Variants in ELN observed in about 807,000 individuals in gnomAD.
ELN encodes the protein tropoelastin.
A neutral mutation model predicts 105.8 loss-of-function variants in ELN; 65 were observed. The observed-to-expected ratio is 0.61, with a 90% CI of 0.50 to 0.75. The LOEUF is 0.75. ELN is among the 30% of genes least tolerant of loss of function. The pLI is 0.00. For synonymous variants in ELN, 368 were observed against 389.2 expected (o/e 0.95, Z 0.64); for missense variants, 882 against 969.4 (o/e 0.91, Z 1.20).
intron 8 of ELN, 58 bp downstream of exon 8, chr7:74,043,226 G>T: frequency 6.4e-7 from 1 of 1,552,418 alleles, no homozygotes; most frequent in Non-Finnish European, 8.7e-7. Context: ...AGAGGGCAGG[G>T]AGGAACAGAG....
At position 74,063,266 on chromosome 7, in the gene ELN, T is replaced by G; in HGVS notation, c.1858+42T>G. The G allele has an allele frequency of 2.5e-6, 4 of 1,586,628 alleles. No individual in the cohort carries two copies. In the South Asian group the frequency reaches 4.6e-5, roughly 18 times the overall value. ...GGAGGGGCAGGGTGGGGAGGGAATC[T>G]AACCAGTACAGAGTGCCTCCCTGAA... On this transcript the variant is annotated intron_variant, in intron 27 of 32. Coordinates refer to ENST00000252034, the MANE Select transcript of ELN (RefSeq NM_000501.4). This position sits in a 1 kb window ranked among gnomAD's most constrained non-coding sequence, Gnocchi z 4.1.
Position 74,043,892 on chromosome 7 carries a change from A to C in ELN, c.441A>C (p.Pro147=), listed in dbSNP as rs1348472964. Residue 147 remains proline (P), a synonymous_variant, in exon 9 of 33, where the codon CCA becomes CCC. Coordinates refer to ENST00000252034, the MANE Select transcript of ELN (RefSeq NM_000501.4). ...KPGKVPGVGL[P]GVYPGGVLPG... is the part of the protein sequence containing the mutation. ...TTTTGGCCACAGGTGTGGGGCTGCC[A>C]GGTGTATACCCAGGTGGCGTGCTCC... The C allele has an allele frequency of 3.7e-6, 6 of 1,613,970 alleles. No individual in the cohort carries two copies. Among genetic ancestry groups the C allele is most frequent in the Non-Finnish European group, 5.1e-6 (6 of 1,180,006 alleles).
In ELN at chr7:74,028,653, G is replaced by A. The variant is rs117971055; in HGVS notation, c.82+384G>A. Among the ~76,000 whole-genome samples the A allele has an allele frequency of 2.3e-3, 346 of 152,276 alleles. 2 individuals carry two copies. The Middle Eastern group carries it at 0.038, about 17-fold the overall frequency. On this transcript the variant is annotated intron_variant, in intron 1 of 32. Transcript: ENST00000252034. ...GTCTGCACACCTGTGGACACAGCTG[G>A]GGTGCACACCAGCCCTGGGGACAGG...
Position 74,046,723 on chromosome 7 carries a change from C to A in ELN, c.599C>A (p.Pro200His). The A allele has an allele frequency of 1.2e-6, 2 of 1,614,214 alleles. No individual in the cohort carries two copies. Among genetic ancestry groups the A allele is most frequent in the Non-Finnish European group, 1.7e-6 (2 of 1,180,032 alleles). Residue 200 changes from proline (P) to histidine (H), a missense_variant, in exon 12 of 33, where the codon CCT (proline) becomes CAT (histidine). By Grantham distance (77) the Pro-to-His change is moderately conservative. Coordinates refer to ENST00000252034, the MANE Select transcript of ELN (RefSeq NM_000501.4). ...PGVGPFGGPQ[P>H]GVPLGYPIKA... ...GTTGGACCCTTTGGGGGACCGCAAC[C>A]TGGAGTCCCACTGGGGTATCCCATC...
At chr7:74,061,520 C>T (rs929631923) in intron 26 of ELN, among the ~76,000 whole-genome samples, 5 of 151,994 alleles carry the variant, frequency 3.3e-5, no homozygotes, top group East Asian at 1.9e-4. Context: ...GGTGTGGTGG[C>T]GGGCACCTGT....
At chr7:74,050,167 A>T (rs1554675174) in intron 15 of ELN, among the ~76,000 whole-genome samples, 1 of 150,196 alleles carries the variant, frequency 6.7e-6, no homozygotes, top group African/African-American at 2.5e-5. Flanking sequence ...CCATCCATCC[A>T]TCCATCCACT....
chr7:74,049,018 T>A (rs1554674329), intron 15 of ELN, among the ~76,000 whole-genome samples: 2 of 151,188 alleles, frequency 1.3e-5, no homozygotes, highest in East Asian at 3.9e-4. Flanking sequence ...CACTCATCCA[T>A]CCACTCATTC....
At chr7:74,052,541 T>C (rs1401907836) in intron 17 of ELN, 28 of 178,864 alleles carry the variant, frequency 1.6e-4, no homozygotes, top group Admixed American at 1.2e-3. Context: ...GCTATGATCA[T>C]GCCACTGCAC....
In ELN at chr7:74,028,260, C is replaced by T. The variant is rs782196221; in HGVS notation, c.73C>T (p.Arg25Trp). 11 of 1,608,624 alleles carry T rather than the reference C, an allele frequency of 6.8e-6. No individual in the cohort carries two copies. The highest frequency in any genetic ancestry group is 6.7e-5 in the East Asian group (3 of 44,816). Residue 25 changes from arginine (R) to tryptophan (W), a missense_variant, in exon 1 of 33, where the codon CGG becomes TGG. Arg to Trp is a moderately radical substitution (Grantham distance 101). Transcript: ENST00000252034. The stretch of plus-strand genomic sequence containing the variant: ...CCTGCTGTCCATCCTCCACCCCTCT[C>T]GGCCTGGAGGTAAGGACCCCTCGCC... ...LLLLSILHPS[R>W]PGGVPGAIPG... is the part of the protein sequence containing the mutation.
chr7:74,035,528 T>C, intron 2 of ELN, 114 bp downstream of exon 2: 1 of 1,261,884 alleles, frequency 7.9e-7, no homozygotes, highest in South Asian at 1.2e-5. Context: ...CTACCAGAAG[T>C]CACACCCACT....
chr7:74,045,582 A>G (rs1325805573), intron 10 of ELN, among the ~76,000 whole-genome samples: 2 of 152,050 alleles, frequency 1.3e-5, no homozygotes, highest in African/African-American at 4.8e-5. Flanking sequence ...CTACAAAAAC[A>G]TGATTAAAAA....
At chr7:74,029,687 G>A (rs1422188182) in intron 1 of ELN, among the ~76,000 whole-genome samples, 2 of 152,188 alleles carry the variant, frequency 1.3e-5, no homozygotes, top group African/African-American at 2.4e-5. Flanking sequence ...CAGGGGCAAC[G>A]AGCCAGGGCC....
At chr7:74,031,225 G>T (rs1788582888) in intron 1 of ELN, among the ~76,000 whole-genome samples, 1 of 152,140 alleles carries the variant, frequency 6.6e-6, no homozygotes, top group African/African-American at 2.4e-5. Context: ...TCAGCTCACT[G>T]GTTCTCCATT....
intron 1 of ELN, among the ~76,000 whole-genome samples, chr7:74,029,893 G>A (rs1788285803): frequency 3.3e-5 from 5 of 152,182 alleles, no homozygotes; most frequent in South Asian, 2.1e-4. Flanking sequence ...GGCAGTCCCC[G>A]GGGGTTAGTA....
Position 74,053,145 on chromosome 7 carries a change from A to G in ELN, c.950-18A>G. On this transcript the variant is annotated intron_variant, in intron 17 of 32. Coordinates refer to ENST00000252034, the MANE Select transcript of ELN (RefSeq NM_000501.4). Reference sequence around the variant, plus strand: ...GAGGTTCCCATAGGTTAGGGGAACAATGCTTTTTCTTCCACAGGAGCTGCT... The same window carrying G: ...GAGGTTCCCATAGGTTAGGGGAACAGTGCTTTTTCTTCCACAGGAGCTGCT... 3 of 1,614,158 alleles carry G rather than the reference A, an allele frequency of 1.9e-6. No homozygotes were observed. The highest frequency in any genetic ancestry group is 2.5e-6 in the Non-Finnish European group (3 of 1,180,030).
At chr7:74,052,479 C>A in intron 17 of ELN, 1 of 202,912 alleles carries the variant, frequency 4.9e-6, no homozygotes, top group South Asian at 9.3e-5. Context: ...CAGCCACCTG[C>A]AAGGCTGAGG....
intron 1 of ELN, among the ~76,000 whole-genome samples, chr7:74,030,029 C>G (rs1554661290): frequency 6.6e-6 from 1 of 152,196 alleles, no homozygotes; most frequent in African/African-American, 2.4e-5. Flanking sequence ...AGAATCAGCT[C>G]TCTCCTTGTG....
At chr7:74,051,233 G>A (rs902410105) in intron 15 of ELN, among the ~76,000 whole-genome samples, 1 of 152,228 alleles carries the variant, frequency 6.6e-6, no homozygotes, top group African/African-American at 2.4e-5. Context: ...AATGTGGGGA[G>A]AAGCCTGAAG....
chr7:74,054,624 C>A, intron 18 of ELN, 92 bp from the exon 19 acceptor site: 1 of 1,319,520 alleles, frequency 7.6e-7, no homozygotes, highest in Non-Finnish European at 1.1e-6. Context: ...AAGGAGATGG[C>A]CCAACACACA....
Sources: allele counts gnomAD v4.1 joint callset (sites outside exome capture counted in the v4.1 genomes callset), GRCh38; gene constraint gnomAD v4.1.1; non-coding constraint Gnocchi (gnomAD v3.1); transcripts MANE v1.5; gene names NCBI Gene and HGNC (gene_info 2026-07-23, HGNC 2026-07-21).